The following CD8B variants were observed in gnomAD, a reference collection of about 807,000 sequenced individuals.
CD8B encodes CD8 subunit beta, also known as T-cell surface glycoprotein CD8 beta chain.
In CD8B, 6 loss-of-function variants were observed where a neutral mutation model predicts 24.2. The observed-to-expected ratio is 0.25, with a 90% CI of 0.14 to 0.49. The LOEUF is 0.49. Ranked by LOEUF, CD8B falls within the 20% of genes least tolerant of loss-of-function variation. The pLI is 0.98. For synonymous variants in CD8B, 84 were observed against 108.3 expected (o/e 0.78, Z 1.39); for missense variants, 196 against 271.3 (o/e 0.72, Z 1.95).
intron 1 of CD8B, among the ~76,000 whole-genome samples, chr2:86,860,406 T>C (rs1676515227): frequency 6.6e-6 from 1 of 152,238 alleles, no homozygotes; most frequent in African/African-American, 2.4e-5. Context: ...CAGAGGTTTT[T>C]CCTTGCTTTG....
chr2:86,852,248 T>A (rs932627799), intron 3 of CD8B, among the ~76,000 whole-genome samples: 5 of 152,232 alleles, frequency 3.3e-5, no homozygotes, highest in Non-Finnish European at 7.3e-5. Context: ...ATTACAGGTG[T>A]GAGCCACCAC....
chr2:86,851,362 C>A (rs949500834), intron 3 of CD8B, among the ~76,000 whole-genome samples: 3 of 152,184 alleles, frequency 2.0e-5, no homozygotes, highest in African/African-American at 7.2e-5. Context: ...TTCTCCACAG[C>A]CGTAGCACAC....
Position 86,844,550 on chromosome 2 carries a change from G to A in CD8B, c.620+372C>T, listed in dbSNP as rs1675579512. 6.8e-6 allele frequency: 8 copies of A among 1,183,716 alleles called. No homozygotes were observed. In the South Asian group the frequency reaches 1.1e-4, roughly 16 times the overall value. 73.3% of individuals were successfully genotyped at this position (1,183,716 alleles called of 1,614,324 possible). ...TGCTCTCCTCAGGAGAGCTAAGAATGTTCTTGAAATACATTTAACTTACTG... is the reference window on the plus strand; with the variant it reads ...TGCTCTCCTCAGGAGAGCTAAGAATATTCTTGAAATACATTTAACTTACTG... On this transcript the variant is annotated intron_variant, in intron 5 of 5. Coordinates refer to ENST00000390655, the MANE Select transcript of CD8B (RefSeq NM_004931.5).
intron 2 of CD8B, among the ~76,000 whole-genome samples, chr2:86,854,514 T>C (rs1408693726): frequency 6.6e-6 from 1 of 152,114 alleles, no homozygotes; most frequent in East Asian, 1.9e-4. Context: ...GAGTGCTGTG[T>C]TGGGACCCCA....
At chr2:86,855,810 A>T (rs1360819754) in intron 2 of CD8B, among the ~76,000 whole-genome samples, 1 of 152,076 alleles carries the variant, frequency 6.6e-6, no homozygotes, top group Admixed American at 6.6e-5. Context: ...CCCAGAGGGG[A>T]GCCAACTCTT....
At position 86,841,818 on chromosome 2, in the gene CD8B, A is replaced by T; in HGVS notation, c.*489T>A. The stretch of plus-strand genomic sequence containing the variant: ...TTCTGGGAACTGGACAGCCCCTCTC[A>T]GCAAGCCTCATTCCCAACCTGCACC... On this transcript the variant is annotated 3_prime_UTR_variant, in exon 6 of 6. Coordinates refer to ENST00000390655, the MANE Select transcript of CD8B (RefSeq NM_004931.5). The T allele has an allele frequency of 1.0e-6, 1 of 985,882 alleles. No individual in the cohort carries two copies. Among genetic ancestry groups the T allele is most frequent in the Non-Finnish European group, 1.2e-6 (1 of 830,292 alleles). 61.1% of individuals were successfully genotyped at this position (985,882 alleles called of 1,614,324 possible).
Position 86,841,418 on chromosome 2 carries a change from G to A in CD8B, c.*889C>T, listed in dbSNP as rs914902289. 11 of 241,578 alleles carry A rather than the reference G, an allele frequency of 4.6e-5. No individual in the cohort carries two copies. Among genetic ancestry groups the A allele is most frequent in the Admixed American group, 6.6e-5 (1 of 15,246 alleles). 15.0% of individuals were successfully genotyped at this position (241,578 alleles called of 1,614,324 possible). On this transcript the variant is annotated 3_prime_UTR_variant, in exon 6 of 6. Coordinates refer to ENST00000390655, the MANE Select transcript of CD8B (RefSeq NM_004931.5). ...CAGCCTGGCTCTGGGTGCCCTGGGC[G>A]CTTCCTAGCCTCTCTAGGACTCTCC...
intron 4 of CD8B, among the ~76,000 whole-genome samples, chr2:86,845,541 C>T (rs2104549230): frequency 6.6e-6 from 1 of 152,246 alleles, no homozygotes; most frequent in Middle Eastern, 3.4e-3. Flanking sequence ...AGTGATCCTC[C>T]CTCCTCAGCC....
chr2:86,821,985 T>C (rs1674496897), intron 5 of CD8B, among the ~76,000 whole-genome samples: 1 of 152,204 alleles, frequency 6.6e-6, no homozygotes, highest in African/African-American at 2.4e-5. Flanking sequence ...ATGTCTGCCC[T>C]GTGGCTTCTC....
chr2:86,839,463 G>T lies in CD8B; in HGVS notation c.*2844C>A, dbSNP rs1675317016. Among the ~76,000 whole-genome samples the T allele has an allele frequency of 6.6e-6, 1 of 152,190 alleles. No individual in the cohort carries two copies. Among genetic ancestry groups the T allele is most frequent in the African/African-American group, 2.4e-5 (1 of 41,442 alleles). ...AAAGATAGCTGGATGGAGTTTGGGG[G>T]GCATATTTCATCATAATGGCCCTAT... On this transcript the variant is annotated 3_prime_UTR_variant, in exon 6 of 6. Coordinates refer to ENST00000390655, the MANE Select transcript of CD8B (RefSeq NM_004931.5).
Position 86,861,881 on chromosome 2 carries a change from A to G in CD8B, c.-16T>C, listed in dbSNP as rs1460249516. On this transcript the variant is annotated 5_prime_UTR_variant, in exon 1 of 6. Coordinates refer to ENST00000390655, the MANE Select transcript of CD8B (RefSeq NM_004931.5). Reference sequence around the variant, plus strand: ...GCGGCCGCATCGTGGCGCGCCCGGGACACCTGGCCCCGGGGGCTCGGCGGA... The same window carrying G: ...GCGGCCGCATCGTGGCGCGCCCGGGGCACCTGGCCCCGGGGGCTCGGCGGA... 7.9e-7 allele frequency: 1 copy of G among 1,264,512 alleles called. No individual in the cohort carries two copies. The highest frequency in any genetic ancestry group is 9.9e-7 in the Non-Finnish European group (1 of 1,005,148). 78.3% of individuals were successfully genotyped at this position (1,264,512 alleles called of 1,614,324 possible).
At position 86,829,095 on chromosome 2, in the gene CD8B, C is replaced by CTTTTTTTTTT. The variant is rs746569858; in HGVS notation, c.621-13387_621-13378dup. On this transcript the variant is annotated intron_variant, in intron 5 of 5. Coordinates refer to the CD8B transcript ENST00000331469. ...TTACCATTTTGGCATATGCTCTTTA[C>CTTTTTTTTTT]TTTTTTTTTTTTTTTTTTTTTTGAG... 1.7e-3 allele frequency among the ~76,000 whole-genome samples: 142 copies of CTTTTTTTTTT among 82,988 alleles called. 8 individuals are homozygous for CTTTTTTTTTT. The highest frequency in any genetic ancestry group is 0.014 in the Middle Eastern group (1 of 70). 54.4% of individuals were successfully genotyped at this position (82,988 alleles called of 152,430 possible).
downstream of CD8B, among the ~76,000 whole-genome samples, chr2:86,837,773 C>T (rs1289109626): frequency 7.8e-6 from 1 of 128,404 alleles, no homozygotes; most frequent in East Asian, 2.2e-4. Context: ...CACCTGCAGG[C>T]TACTTCCCAC....
Position 86,841,558 on chromosome 2 carries a change from C to T in CD8B, c.*749G>A, listed in dbSNP as rs1156657496. 3.1e-5 allele frequency: 31 copies of T among 984,574 alleles called. No homozygotes were observed. The highest frequency in any genetic ancestry group is 1.1e-4 in the East Asian group (1 of 8,814). 61.0% of individuals were successfully genotyped at this position (984,574 alleles called of 1,614,324 possible). ...GATGTCTTTGCTGTAGATGGGCTTTCGCACGTTTATGTCACAGGAGCCGTT... is the reference window on the plus strand; with the variant it reads ...GATGTCTTTGCTGTAGATGGGCTTTTGCACGTTTATGTCACAGGAGCCGTT... On this transcript the variant is annotated 3_prime_UTR_variant, in exon 6 of 6. Coordinates refer to ENST00000390655, the MANE Select transcript of CD8B (RefSeq NM_004931.5).
At chr2:86,850,244 C>G (rs1182166549) in intron 3 of CD8B, among the ~76,000 whole-genome samples, 1 of 152,132 alleles carries the variant, frequency 6.6e-6, no homozygotes, top group African/African-American at 2.4e-5. Flanking sequence ...AACGACACCC[C>G]CAGCCCAGCC....
intron 5 of CD8B, among the ~76,000 whole-genome samples, chr2:86,828,460 C>T (rs756317476): frequency 6.6e-6 from 1 of 151,980 alleles, no homozygotes; most frequent in Non-Finnish European, 1.5e-5. Flanking sequence ...TTTGTTTCCC[C>T]TTCAGAGGAG....
Position 86,840,420 on chromosome 2 carries a change from T to C in CD8B, c.*1887A>G, listed in dbSNP as rs1675365653. Among the ~76,000 whole-genome samples, 1 of 152,212 alleles carries C rather than the reference T, an allele frequency of 6.6e-6. No individual in the cohort carries two copies. ...CTCCCTACAACCCTCCCCCTTCCAC[T>C]GCATCTCAGATGGAAAGGGAGACGG... is the stretch of plus-strand genomic sequence containing the variant. On this transcript the variant is annotated 3_prime_UTR_variant, in exon 6 of 6. Coordinates refer to ENST00000390655, the MANE Select transcript of CD8B (RefSeq NM_004931.5).
At chr2:86,823,574 C>A (rs1674561928) in intron 5 of CD8B, among the ~76,000 whole-genome samples, 1 of 152,192 alleles carries the variant, frequency 6.6e-6, no homozygotes, top group African/African-American at 2.4e-5. Flanking sequence ...CCACAAGCCT[C>A]GGCCTGCACA....
At chr2:86,821,949 G>A (rs1674494837) in intron 5 of CD8B, among the ~76,000 whole-genome samples, 1 of 152,114 alleles carries the variant, frequency 6.6e-6, no homozygotes. Context: ...CGCAGGCTTG[G>A]GCACTTCTTT....
Sources: allele counts gnomAD v4.1 joint callset (sites outside exome capture counted in the v4.1 genomes callset), GRCh38; gene constraint gnomAD v4.1.1; transcripts MANE v1.5; gene names NCBI Gene and HGNC (gene_info 2026-07-23, HGNC 2026-07-21).